Variants in KAZN observed in about 807,000 individuals in gnomAD.
The protein encoded by KAZN is kazrin.
Under a neutral mutation model 87.4 loss-of-function variants are expected in KAZN, and 40 were observed. The observed-to-expected ratio is 0.46, with a 90% confidence interval of 0.36 to 0.60. The LOEUF (loss-of-function observed/expected upper bound fraction) is 0.60, where lower values mean the gene tolerates loss of function less well. Among genes scored for constraint, KAZN ranks in the 20% least tolerant of loss-of-function variants. KAZN has a pLI of 0.00. For missense variants in KAZN, 898 were observed against 1,073.9 expected (o/e 0.84, Z 2.29); for synonymous variants, 466 against 458.3 (o/e 1.02, Z -0.22).
intron 1 of KAZN, among the ~76,000 whole-genome samples, chr1:14,163,740 C>CA (rs1357438950): frequency 6.6e-6 from 1 of 152,222 alleles, no homozygotes; most frequent in Non-Finnish European, 1.5e-5. Context: ...TGGAGGCCCT[C>CA]TCCTGCCCTG....
At chr1:14,628,180 G>C (rs929950160) in intron 1 of KAZN, among the ~76,000 whole-genome samples, 6 of 152,212 alleles carry the variant, frequency 3.9e-5, no homozygotes, top group Admixed American at 2.6e-4. Flanking sequence ...CAGTGGATCC[G>C]GGTGCAGTTC....
At chr1:14,640,882 C>A (rs533724262) in intron 1 of KAZN, among the ~76,000 whole-genome samples, 8 of 152,340 alleles carry the variant, frequency 5.3e-5, no homozygotes, top group Non-Finnish European at 7.3e-5. Flanking sequence ...TGACCTCCCA[C>A]GTCCCTGATC....
chr1:14,217,586 T>C (rs577711177), intron 2 of KAZN, among the ~76,000 whole-genome samples: 1 of 152,098 alleles, frequency 6.6e-6, no homozygotes, highest in South Asian at 2.1e-4. Flanking sequence ...CCAACATACG[T>C]ATAATAAGGG....
intron 1 of KAZN, among the ~76,000 whole-genome samples, chr1:13,908,391 A>G (rs538559975): frequency 6.6e-6 from 1 of 152,382 alleles, no homozygotes; most frequent in East Asian, 1.9e-4. Flanking sequence ...AGCTATTGCT[A>G]TAGGCTGAAG....
intron 1 of KAZN, among the ~76,000 whole-genome samples, chr1:14,730,362 G>A (rs955728083): frequency 2.0e-5 from 3 of 152,162 alleles, no homozygotes; most frequent in Admixed American, 6.5e-5. Flanking sequence ...GATTACAGGC[G>A]TGAGCCACCG....
At position 14,960,901 on chromosome 1, in the gene KAZN, C is replaced by T. The variant is rs778434845; in HGVS notation, c.418+26C>T. 5.7e-6 allele frequency: 9 copies of T among 1,585,330 alleles called. No homozygotes were observed. The African/African-American group carries it at 1.2e-4, about 21-fold the overall frequency. On this transcript the variant is annotated intron_variant, in intron 2 of 14. Coordinates refer to ENST00000376030, the MANE Select transcript of KAZN (RefSeq NM_201628.3). ...GTGAGTGACGAGTCAGCAGCAGTTC[C>T]TTCGCTGGGAGCTCAGGCCCCAGGG...
chr1:14,057,678 C>T (rs1642631847), intron 1 of KAZN, among the ~76,000 whole-genome samples: 1 of 152,190 alleles, frequency 6.6e-6, no homozygotes, highest in Admixed American at 6.5e-5. Flanking sequence ...GTTCCTAAGG[C>T]CCCGATAGGA....
At chr1:14,473,268 G>A (rs1368441269) in intron 2 of KAZN, among the ~76,000 whole-genome samples, 1 of 152,090 alleles carries the variant, frequency 6.6e-6, no homozygotes. Flanking sequence ...TTTATTTCTT[G>A]TTTATCTGAA....
At chr1:14,505,784 G>T (rs1025027149) in intron 2 of KAZN, among the ~76,000 whole-genome samples, 3 of 152,156 alleles carry the variant, frequency 2.0e-5, no homozygotes, top group African/African-American at 7.2e-5. Context: ...GACCAGCCTG[G>T]GCAACAGGGT....
At chr1:14,689,262 C>T (rs538764000) in intron 1 of KAZN, among the ~76,000 whole-genome samples, 2 of 152,196 alleles carry the variant, frequency 1.3e-5, no homozygotes, top group East Asian at 3.9e-4. Context: ...TAAAACCATG[C>T]TGGGTCTGGT....
intron 2 of KAZN, among the ~76,000 whole-genome samples, chr1:14,506,263 A>G (rs1291287603): frequency 6.6e-6 from 1 of 152,184 alleles, no homozygotes; most frequent in Non-Finnish European, 1.5e-5. Context: ...GAAAACTCTT[A>G]GTCTTCAAGG....
chr1:15,068,931 A>G lies in KAZN; in HGVS notation c.1222+3178A>G, dbSNP rs59809327. ...AAATGAGCCCCCAGTGAGGATGCAA[A>G]TGGATGTGGTAGGATTGGGAAGGCC... On this transcript the variant is annotated intron_variant, in intron 8 of 14. Coordinates refer to ENST00000376030, the MANE Select transcript of KAZN (RefSeq NM_201628.3). Among the ~76,000 whole-genome samples the G allele has an allele frequency of 8.1e-3, 1,225 of 152,160 alleles. 29 individuals are homozygous for G. The highest frequency in any genetic ancestry group is 0.072 in the East Asian group (373 of 5,172).
intron 2 of KAZN, among the ~76,000 whole-genome samples, chr1:14,985,531 A>G (rs896693350): frequency 3.3e-5 from 5 of 151,970 alleles, no homozygotes; most frequent in African/African-American, 1.2e-4. Context: ...CCCTGCCTCA[A>G]AAATAAATAA....
chr1:14,803,381 T>A (rs1195954236), intron 1 of KAZN, among the ~76,000 whole-genome samples: 6 of 152,216 alleles, frequency 3.9e-5, no homozygotes, highest in African/African-American at 1.4e-4. Context: ...CTCCTGTCCC[T>A]GGTGCATGAG....
chr1:14,485,192 A>G lies in KAZN; in HGVS notation c.250-113791A>G, dbSNP rs544990737. On this transcript the variant is annotated intron_variant, in intron 2 of 16. Coordinates refer to the KAZN transcript ENST00000636203. ...GAAGGCCAGAATCACCCACAAGACAAGCAACCCTGAGGATATCAAACAGCA... is the reference window on the plus strand; with the variant it reads ...GAAGGCCAGAATCACCCACAAGACAGGCAACCCTGAGGATATCAAACAGCA... Among the ~76,000 whole-genome samples, 12 of 152,370 alleles carry G rather than the reference A, an allele frequency of 7.9e-5. No individual in the cohort carries two copies. The South Asian group carries it at 2.3e-3, about 29-fold the overall frequency.
chr1:14,835,482 G>A lies in KAZN; in HGVS notation c.227-125202G>A, dbSNP rs1357954460. ...CTCTCCTGGAGCCTGATTGGAACAC[G>A]GGATCAACCATGAGGTGCATTATGT... On this transcript the variant is annotated intron_variant, in intron 1 of 14. Coordinates refer to ENST00000376030, the MANE Select transcript of KAZN (RefSeq NM_201628.3). Among the ~76,000 whole-genome samples, 6 of 152,090 alleles carry A rather than the reference G, an allele frequency of 3.9e-5. No homozygotes were observed. The East Asian group carries it at 5.8e-4, about 15-fold the overall frequency.
intron 2 of KAZN, among the ~76,000 whole-genome samples, chr1:14,452,258 T>C (rs1667318292): frequency 1.3e-5 from 2 of 152,096 alleles, no homozygotes; most frequent in African/African-American, 4.8e-5. Flanking sequence ...ATGGGTAGAC[T>C]AAGGAAAGCT....
chr1:14,613,754 G>A (rs570068260), intron 1 of KAZN, among the ~76,000 whole-genome samples: 8 of 152,364 alleles, frequency 5.3e-5, no homozygotes, highest in Non-Finnish European at 7.3e-5. Flanking sequence ...GCCACCCAGA[G>A]TCTCTGCGGC....
Position 14,234,366 on chromosome 1 carries a change from G to T in KAZN, c.249+53774G>T, listed in dbSNP as rs531518568. On this transcript the variant is annotated intron_variant, in intron 2 of 16. Transcript: ENST00000636203. ...GGGAGTTGAACAATGAGAACACATG[G>T]ACACAGGGAGGGGAACATCACACAC... is the stretch of plus-strand genomic sequence containing the variant. Among the ~76,000 whole-genome samples, 28 of 145,964 alleles carry T rather than the reference G, an allele frequency of 1.9e-4. 1 individual carries two copies. In the East Asian group the frequency reaches 6.5e-3, roughly 34 times the overall value.
Sources: allele counts gnomAD v4.1 joint callset (sites outside exome capture counted in the v4.1 genomes callset), GRCh38; gene constraint gnomAD v4.1.1; transcripts MANE v1.5; gene names NCBI Gene and HGNC (gene_info 2026-07-23, HGNC 2026-07-21).